Variants in RANBP17 observed in about 807,000 individuals in gnomAD.
RANBP17 encodes RAN binding protein 17, also known as ran-binding protein 17.
In RANBP17, 158 loss-of-function variants were observed where a neutral mutation model predicts 141.2. That is an observed-to-expected ratio of 1.12 (90% CI 0.98 to 1.28). The LOEUF (loss-of-function observed/expected upper bound fraction) is 1.28, where lower values mean the gene tolerates loss of function less well. Among genes scored for constraint, RANBP17 ranks in the 50% most tolerant of loss-of-function variants. The pLI, the probability that RANBP17 is intolerant of heterozygous loss-of-function variation, is 0.00. For synonymous variants in RANBP17, 430 were observed against 450.0 expected, an observed-to-expected ratio of 0.96 and a Z score of 0.56; for missense variants, 1,438 against 1,290.7, an observed-to-expected ratio of 1.11 and a Z score of -1.75.
chr5:170,936,739 T>G (rs1428421678), intron 12 of RANBP17, among the ~76,000 whole-genome samples: 3 of 152,206 alleles, frequency 2.0e-5, no homozygotes, highest in Non-Finnish European at 4.4e-5. Flanking sequence ...TAAGATAATG[T>G]TCATATATTC....
Position 171,271,620 on chromosome 5 carries a change from C to T in RANBP17, c.2943+5773C>T, listed in dbSNP as rs1480014487. ...ATAAAAAATATGCTCTTTATGTAAC[C>T]CATTAGCTCTCTCTGGTTGATTTAC... On this transcript the variant is annotated intron_variant, in intron 25 of 27. Transcript: ENST00000523189. 1.4e-5 allele frequency: 3 copies of T among 208,502 alleles called. No homozygotes were observed. The Admixed American group carries it at 1.8e-4, about 12-fold the overall frequency. The allele number at this position is 208,502 out of a possible 1,614,324, so 12.9% of individuals were successfully genotyped here.
At chr5:171,259,387 A>AAGAT (rs1766134614) in intron 24 of RANBP17, among the ~76,000 whole-genome samples, 1 of 152,226 alleles carries the variant, frequency 6.6e-6, no homozygotes, top group South Asian at 2.1e-4. Flanking sequence ...AAAAGAAAAT[A>AAGAT]AGATAGTATA....
chr5:171,157,918 G>A (rs1010695437), intron 14 of RANBP17, among the ~76,000 whole-genome samples: 3 of 152,184 alleles, frequency 2.0e-5, no homozygotes, highest in African/African-American at 4.8e-5. Context: ...CCTGCCTAGC[G>A]TATCTGGTCT....
At chr5:171,008,433 A>G (rs1398767875) in intron 14 of RANBP17, among the ~76,000 whole-genome samples, 1 of 152,144 alleles carries the variant, frequency 6.6e-6, no homozygotes, top group Non-Finnish European at 1.5e-5. Context: ...CGTCCGTGTG[A>G]AGAGATCACC....
At chr5:171,152,817 GTGC>G (rs1423715853) in intron 14 of RANBP17, among the ~76,000 whole-genome samples, 2 of 152,154 alleles carry the variant, frequency 1.3e-5, no homozygotes, top group Non-Finnish European at 2.9e-5. Context: ...AACCTTCTAT[GTGC>G]ATTATATCTT....
chr5:171,149,288 C>T (rs1014423049), intron 14 of RANBP17, among the ~76,000 whole-genome samples: 1 of 152,118 alleles, frequency 6.6e-6, no homozygotes, highest in African/African-American at 2.4e-5. Flanking sequence ...TTCATGTGTC[C>T]ACTGAAGTCC....
chr5:171,292,621 G>T (rs1768561496), intron 25 of RANBP17, among the ~76,000 whole-genome samples: 1 of 152,178 alleles, frequency 6.6e-6, no homozygotes, highest in African/African-American at 2.4e-5. Flanking sequence ...CGTTTCCCCT[G>T]CCCTCTTTTG....
chr5:171,247,720 TC>T (rs1765292812), intron 24 of RANBP17, among the ~76,000 whole-genome samples: 1 of 152,166 alleles, frequency 6.6e-6, no homozygotes. Flanking sequence ...GGCTCTGAAC[TC>T]CTTCATTCAG....
chr5:171,192,614 G>A (rs1309151760), intron 18 of RANBP17, among the ~76,000 whole-genome samples: 2 of 152,096 alleles, frequency 1.3e-5, no homozygotes, highest in South Asian at 4.1e-4. Flanking sequence ...ATAAGATAAA[G>A]ATACATAAAA....
chr5:170,878,703 A>G (rs1025929498), intron 2 of RANBP17, among the ~76,000 whole-genome samples: 7 of 152,180 alleles, frequency 4.6e-5, no homozygotes, highest in African/African-American at 1.7e-4. Flanking sequence ...TAAATGTCAA[A>G]TCAGATGCTG....
intron 14 of RANBP17, among the ~76,000 whole-genome samples, chr5:171,015,885 A>T (rs1480220653): frequency 6.6e-6 from 1 of 152,146 alleles, no homozygotes; most frequent in African/African-American, 2.4e-5. Context: ...CTGGCCTTGT[A>T]TGAACCCTAG....
chr5:170,871,714 C>T lies in RANBP17; in HGVS notation c.19-6383C>T, dbSNP rs1436916987. 4.6e-5 allele frequency among the ~76,000 whole-genome samples: 7 copies of T among 152,020 alleles called. No individual in the cohort carries two copies. The South Asian group carries it at 1.5e-3, about 32-fold the overall frequency. ...TTTTGTATAAAATGTAAGAAAGGGG[C>T]CCAGTTACAGTTTTCTGCATATAGC... On this transcript the variant is annotated intron_variant, in intron 1 of 27. Coordinates refer to ENST00000523189, the MANE Select transcript of RANBP17 (RefSeq NM_022897.5).
chr5:171,077,451 A>G (rs1270546591), intron 14 of RANBP17, among the ~76,000 whole-genome samples: 1 of 152,224 alleles, frequency 6.6e-6, no homozygotes, highest in Non-Finnish European at 1.5e-5. Context: ...ACAGTGCCAA[A>G]GGAACGTGTT....
chr5:171,199,763 A>T lies in RANBP17; in HGVS notation c.2132A>T (p.Glu711Val), dbSNP rs1171049630. 6.3e-7 allele frequency: 1 copy of T among 1,592,414 alleles called. No individual in the cohort carries two copies. The highest frequency in any genetic ancestry group is 1.1e-5 in the South Asian group (1 of 89,292). ...ATATTCAACAACAACTTTAAACAAG[A>T]AGATGTAAAGGTGGGTTTGTTTCCA... is the stretch of plus-strand genomic sequence containing the variant. ...LQIFNNNFKQ[E>V]DVKRMLIGLA... Residue 711 changes from glutamate to valine, a missense_variant, in exon 19 of 28, where the codon GAA becomes GTA. By Grantham distance (121) the Glu-to-Val change is moderately radical. Transcript: ENST00000523189.
rs1300706740 is a variant in RANBP17, at chr5:171,155,102, T to A, written c.1711-15028T>A. Among the ~76,000 whole-genome samples the A allele has an allele frequency of 4.6e-3, 576 of 125,068 alleles. 4 individuals are homozygous for A. Among genetic ancestry groups the A allele is most frequent in the South Asian group, 0.017 (71 of 4,118 alleles). The allele number at this position is 125,068 out of a possible 152,430, so 82.0% of individuals were successfully genotyped here. A position where few individuals can be genotyped will look rare whatever the true frequency, so the allele number is the denominator to read the frequency against. On this transcript the variant is annotated intron_variant, in intron 14 of 27. Transcript: ENST00000523189. ...AGAAAAAAAAAAAAAAAAATATATA[T>A]ATATATATATATATATATGTACACA...
chr5:170,961,021 C>T (rs1426772796), intron 13 of RANBP17, among the ~76,000 whole-genome samples: 1 of 152,240 alleles, frequency 6.6e-6, no homozygotes, highest in Non-Finnish European at 1.5e-5. Context: ...GCTGGGATTA[C>T]AGGCGTGAGC....
chr5:171,252,171 A>G (rs1257610928), intron 24 of RANBP17: 7 of 1,582,154 alleles, frequency 4.4e-6, no homozygotes, highest in Middle Eastern at 4.4e-4. Context: ...TGACAACTAC[A>G]TGCAACAAGA....
At chr5:171,209,870 C>G (rs552464980) in intron 20 of RANBP17, among the ~76,000 whole-genome samples, 1 of 152,292 alleles carries the variant, frequency 6.6e-6, no homozygotes, top group African/African-American at 2.4e-5. Context: ...GGAACCACAT[C>G]CCCAAACCCT....
intron 24 of RANBP17, among the ~76,000 whole-genome samples, chr5:171,258,846 AAC>A (rs1766098872): frequency 6.6e-6 from 1 of 152,276 alleles, no homozygotes; most frequent in South Asian, 2.1e-4. Flanking sequence ...AGACCTCCAA[AAC>A]ACAGCAACAA....
Sources: allele counts gnomAD v4.1 joint callset (sites outside exome capture counted in the v4.1 genomes callset), GRCh38; gene constraint gnomAD v4.1.1; transcripts MANE v1.5; gene names NCBI Gene and HGNC (gene_info 2026-07-23, HGNC 2026-07-21).